The following RBMS3 variants were observed in gnomAD, a reference collection of about 807,000 sequenced individuals.
The protein encoded by RBMS3 is RNA binding motif single stranded interacting protein 3.
A neutral mutation model predicts 66.8 loss-of-function variants in RBMS3; 27 were observed. The observed-to-expected ratio is 0.40, with a 90% CI of 0.30 to 0.56. The LOEUF (loss-of-function observed/expected upper bound fraction) is 0.56. RBMS3 is among the 20% of genes least tolerant of loss of function. RBMS3 has a pLI of 0.40. For missense variants in RBMS3, 513 were observed against 549.5 expected, an observed-to-expected ratio of 0.93 and a Z score of 0.66; for synonymous variants, 188 against 183.0, an observed-to-expected ratio of 1.03 and a Z score of -0.22.
chr3:29,978,931 C>T (rs1228805906), intron 12 of RBMS3, among the ~76,000 whole-genome samples: 2 of 151,950 alleles, frequency 1.3e-5, no homozygotes, highest in Non-Finnish European at 2.9e-5. Context: ...GCCAGAAGTT[C>T]AAGACCAGTC....
At chr3:29,863,548 T>C (rs1577022709) in intron 6 of RBMS3, among the ~76,000 whole-genome samples, 1 of 152,164 alleles carries the variant, frequency 6.6e-6, no homozygotes, top group African/African-American at 2.4e-5. Context: ...AATAGGTCAT[T>C]ATCAATATTC....
chr3:29,623,128 T>C, intron 4 of RBMS3, among the ~76,000 whole-genome samples: 1 of 136,916 alleles, frequency 7.3e-6, no homozygotes, highest in Non-Finnish European at 1.6e-5. Flanking sequence ...GGAGTCCCTA[T>C]TTCATGAAGT....
chr3:29,939,364 T>A lies in RBMS3; in HGVS notation c.1050+3168T>A, dbSNP rs1363014607. Among the ~76,000 whole-genome samples the A allele has an allele frequency of 2.0e-5, 3 of 152,082 alleles. No individual in the cohort carries two copies. In the South Asian group the frequency reaches 6.2e-4, roughly 31 times the overall value. On this transcript the variant is annotated intron_variant, in intron 11 of 14. Coordinates refer to ENST00000383767, the MANE Select transcript of RBMS3 (RefSeq NM_001003793.3). ...TATTTTCCATGCAATAATAATACTA[T>A]CTCTGCCTGAGTTTTGGGCAAATAG...
intron 12 of RBMS3, among the ~76,000 whole-genome samples, chr3:29,979,939 AG>A (rs1697866370): frequency 6.6e-6 from 1 of 152,266 alleles, no homozygotes; most frequent in South Asian, 2.1e-4. Context: ...ATAATCCTTT[AG>A]GTATATACCC....
At chr3:29,873,841 T>C (rs1168511370) in intron 7 of RBMS3, among the ~76,000 whole-genome samples, 2 of 152,240 alleles carry the variant, frequency 1.3e-5, no homozygotes, top group Non-Finnish European at 2.9e-5. Flanking sequence ...TCATTTGAGA[T>C]AATCAAGTGT....
At chr3:29,425,290 CT>C (rs901411836) in intron 1 of RBMS3, among the ~76,000 whole-genome samples, 2 of 150,712 alleles carry the variant, frequency 1.3e-5, no homozygotes, top group African/African-American at 2.4e-5. Flanking sequence ...AGGAGAATCG[CT>C]TGAACCCAGG....
intron 6 of RBMS3, among the ~76,000 whole-genome samples, chr3:29,865,837 A>G (rs145812529): frequency 4.5e-4 from 68 of 152,152 alleles, no homozygotes; most frequent in African/African-American, 1.6e-3. Context: ...GTACGACAAG[A>G]TATTTTCTTC....
At chr3:29,562,082 A>G (rs911833470) in intron 3 of RBMS3, among the ~76,000 whole-genome samples, 2 of 152,128 alleles carry the variant, frequency 1.3e-5, no homozygotes, top group Admixed American at 1.3e-4. Context: ...TAGTTATTCA[A>G]CTTTAGCATC....
chr3:29,592,726 C>G (rs1371441147), intron 4 of RBMS3, among the ~76,000 whole-genome samples: 1 of 152,016 alleles, frequency 6.6e-6, no homozygotes, highest in Non-Finnish European at 1.5e-5. Context: ...TATTGCGGCA[C>G]TATTCATAAT....
intron 4 of RBMS3, among the ~76,000 whole-genome samples, chr3:29,677,472 T>G (rs1559560310): frequency 6.6e-6 from 1 of 152,220 alleles, no homozygotes; most frequent in Admixed American, 6.5e-5. Flanking sequence ...AAGTCTTCAT[T>G]AATTTTTTTT....
chr3:29,710,685 C>CTT (rs1008815634), intron 4 of RBMS3, among the ~76,000 whole-genome samples: 3 of 152,070 alleles, frequency 2.0e-5, no homozygotes, highest in Non-Finnish European at 4.4e-5. Context: ...CAGTGAATTC[C>CTT]CTTCATCCAG....
chr3:29,356,844 G>T (rs1027640089), intron 1 of RBMS3, among the ~76,000 whole-genome samples: 4 of 152,070 alleles, frequency 2.6e-5, no homozygotes, highest in Admixed American at 1.3e-4. Flanking sequence ...AGCATTTATT[G>T]CATTGAGCTG....
chr3:29,617,207 C>T (rs1251819449), intron 4 of RBMS3, among the ~76,000 whole-genome samples: 2 of 152,248 alleles, frequency 1.3e-5, no homozygotes, highest in Non-Finnish European at 2.9e-5. Context: ...TTAACGTTGA[C>T]GAGCCTCAGG....
chr3:29,672,287 C>T (rs922627385), intron 4 of RBMS3, among the ~76,000 whole-genome samples: 7 of 152,246 alleles, frequency 4.6e-5, no homozygotes, highest in Admixed American at 3.3e-4. Flanking sequence ...CTAAAGGAAG[C>T]AGTAAACATG....
At chr3:29,620,654 CACCAATTCCATAAGTTA>C (rs2048834313) in intron 4 of RBMS3, among the ~76,000 whole-genome samples, 1 of 151,836 alleles carries the variant, frequency 6.6e-6, no homozygotes. Flanking sequence ...TTTTATTTTG[CACCAATTCCATAAGTTA>C]ACTTTGGCAT....
intron 12 of RBMS3, among the ~76,000 whole-genome samples, chr3:29,963,968 C>G (rs1456709060): frequency 6.6e-6 from 1 of 152,060 alleles, no homozygotes; most frequent in Non-Finnish European, 1.5e-5. Context: ...CTTATTTCAT[C>G]ATATTTCAAA....
chr3:29,718,178 A>G (rs1015555188), intron 4 of RBMS3, among the ~76,000 whole-genome samples: 1 of 152,124 alleles, frequency 6.6e-6, no homozygotes, highest in Non-Finnish European at 1.5e-5. Context: ...AATAGAAAAA[A>G]TCTGAAGTAA....
intron 6 of RBMS3, among the ~76,000 whole-genome samples, chr3:29,833,230 A>G (rs182336616): frequency 1.3e-5 from 2 of 152,348 alleles, no homozygotes; most frequent in African/African-American, 2.4e-5. Flanking sequence ...AAATGAGAAT[A>G]CAGTAATGTA....
At chr3:29,917,862 T>C (rs2060678910) in intron 10 of RBMS3, among the ~76,000 whole-genome samples, 1 of 152,150 alleles carries the variant, frequency 6.6e-6, no homozygotes. Flanking sequence ...CAGCAAGAAG[T>C]TCATTGGTCT....
Sources: gnomAD v4.1 joint callset for allele counts (sites outside exome capture counted in the v4.1 genomes callset) on GRCh38, gnomAD v4.1.1 for gene constraint, MANE v1.5 for transcripts, NCBI Gene and HGNC (gene_info 2026-07-23, HGNC 2026-07-21) for gene names.